The following ZNF804B variants were observed in gnomAD, a reference collection of about 807,000 sequenced individuals.
ZNF804B encodes zinc finger protein 804B.
Under a neutral mutation model 101.4 loss-of-function variants are expected in ZNF804B, and 80 were observed. The ratio of observed to expected loss-of-function variants is 0.79; its 90% CI spans 0.66 to 0.95. ZNF804B has a LOEUF of 0.95. ZNF804B is among the 40% of genes least tolerant of loss of function. ZNF804B has a pLI of 0.00. For synonymous variants in ZNF804B, 622 were observed against 558.8 expected (o/e 1.11, Z -1.59); for missense variants, 1,673 against 1,561.9 (o/e 1.07, Z -1.20).
At chr7:89,194,545 C>G (rs938966920) in intron 1 of ZNF804B, among the ~76,000 whole-genome samples, 6 of 149,792 alleles carry the variant, frequency 4.0e-5, no homozygotes, top group Admixed American at 6.7e-5. Context: ...AGCCAGTTTT[C>G]CCAGCATCAT....
Position 89,333,807 on chromosome 7 carries a change from T to C in ZNF804B, c.825T>C (p.Leu275=). The change falls in exon 4 of 4, where the codon CTT becomes CTC. Residue 275 remains leucine, a synonymous_variant. Coordinates refer to ENST00000333190, the MANE Select transcript of ZNF804B (RefSeq NM_181646.5). The part of the protein sequence containing the change: ...CCRFANKDTH[L]TKEKEVNISP... ...GGTTTGCAAATAAAGATACACACCTTACCAAGGAAAAAGAGGTAAATATCT... is the reference window on the plus strand; with the variant it reads ...GGTTTGCAAATAAAGATACACACCTCACCAAGGAAAAAGAGGTAAATATCT... 6.2e-7 allele frequency: 1 copy of C among 1,612,054 alleles called. No homozygotes were observed. Among genetic ancestry groups the C allele is most frequent in the South Asian group, 1.1e-5 (1 of 90,982 alleles).
chr7:89,089,501 G>C (rs567891877), intron 1 of ZNF804B, among the ~76,000 whole-genome samples: 2 of 152,030 alleles, frequency 1.3e-5, no homozygotes, highest in South Asian at 4.2e-4. Flanking sequence ...ATGGAAATGA[G>C]TGGTAATTTA....
intron 1 of ZNF804B, among the ~76,000 whole-genome samples, chr7:89,102,479 T>G (rs140800600): frequency 4.6e-5 from 7 of 152,066 alleles, no homozygotes; most frequent in African/African-American, 1.7e-4. Flanking sequence ...TCGCTTGTGT[T>G]TCTTCTTTTG....
At chr7:88,854,832 C>T (rs150243910) in intron 1 of ZNF804B, among the ~76,000 whole-genome samples, 3,945 of 144,494 alleles carry the variant, frequency 0.027, 190 homozygotes, top group African/African-American at 0.097. Flanking sequence ...TCAATTCCCA[C>T]CTATGAGTGA....
chr7:89,210,493 T>TC (rs1411534117), intron 1 of ZNF804B, among the ~76,000 whole-genome samples: 1 of 152,062 alleles, frequency 6.6e-6, no homozygotes, highest in Non-Finnish European at 1.5e-5. Context: ...TGCACTCCCA[T>TC]CCCCCACCCA....
chr7:89,232,151 T>C (rs1023072474), intron 2 of ZNF804B, among the ~76,000 whole-genome samples: 3 of 152,166 alleles, frequency 2.0e-5, no homozygotes, highest in African/African-American at 7.2e-5. Flanking sequence ...GGCTTCCGTT[T>C]AGCCAGATGC....
intron 2 of ZNF804B, among the ~76,000 whole-genome samples, chr7:89,280,506 C>T (rs143297240): frequency 0.037 from 5,584 of 151,942 alleles, 313 homozygotes; most frequent in African/African-American, 0.13. Flanking sequence ...ATTGATAGAC[C>T]GCTAGCAAGA....
chr7:89,192,311 A>AC (rs1319218604), intron 1 of ZNF804B, among the ~76,000 whole-genome samples: 1 of 151,456 alleles, frequency 6.6e-6, no homozygotes, highest in Admixed American at 6.6e-5. Context: ...TTTCCCTTCC[A>AC]CCCCTCCCTG....
At chr7:88,941,773 G>A (rs888854196) in intron 1 of ZNF804B, among the ~76,000 whole-genome samples, 1 of 151,936 alleles carries the variant, frequency 6.6e-6, no homozygotes, top group Admixed American at 6.6e-5. Flanking sequence ...AGAAGATAAT[G>A]TTGTGTGGAT....
intron 1 of ZNF804B, among the ~76,000 whole-genome samples, chr7:88,782,864 G>A (rs149638781): frequency 3.3e-5 from 5 of 152,094 alleles, no homozygotes; most frequent in African/African-American, 4.8e-5. Flanking sequence ...AAGAATCATC[G>A]CACAAATAAG....
At chr7:89,253,257 A>T (rs1789569786) in intron 2 of ZNF804B, among the ~76,000 whole-genome samples, 1 of 152,106 alleles carries the variant, frequency 6.6e-6, no homozygotes, top group South Asian at 2.1e-4. Flanking sequence ...ATTTAAGCAT[A>T]AAAAACTAAA....
At chr7:89,146,919 CTT>C (rs1790798976) in intron 1 of ZNF804B, among the ~76,000 whole-genome samples, 1 of 151,504 alleles carries the variant, frequency 6.6e-6, no homozygotes, top group African/African-American at 2.4e-5. Context: ...ATCCCAACTA[CTT>C]GGGAGGTCAA....
chr7:89,259,132 A>G (rs1789676179), intron 2 of ZNF804B, among the ~76,000 whole-genome samples: 3 of 152,186 alleles, frequency 2.0e-5, no homozygotes, highest in Admixed American at 2.0e-4. Flanking sequence ...GTCTAACGTC[A>G]GTTTTGTTTT....
At chr7:89,111,601 T>C (rs1019589767) in intron 1 of ZNF804B, among the ~76,000 whole-genome samples, 4 of 152,378 alleles carry the variant, frequency 2.6e-5, no homozygotes, top group Middle Eastern at 3.4e-3. Context: ...ATTGTTTGTA[T>C]GGCTTAGATA....
intron 1 of ZNF804B, among the ~76,000 whole-genome samples, chr7:89,037,922 C>T (rs1220359519): frequency 6.6e-6 from 1 of 152,090 alleles, no homozygotes; most frequent in African/African-American, 2.4e-5. Context: ...CTTACTATGC[C>T]TGGCTTATTT....
chr7:89,231,613 T>G (rs571697285), intron 2 of ZNF804B, among the ~76,000 whole-genome samples: 1 of 152,164 alleles, frequency 6.6e-6, no homozygotes, highest in African/African-American at 2.4e-5. Context: ...GCCTTTAATT[T>G]ATTGCAGAAA....
intron 1 of ZNF804B, among the ~76,000 whole-genome samples, chr7:88,874,456 C>T (rs1791891416): frequency 6.6e-6 from 1 of 152,084 alleles, no homozygotes; most frequent in Non-Finnish European, 1.5e-5. Context: ...ATTGAATACC[C>T]TTTGTTTTCT....
rs151078263 is a variant in ZNF804B at position 89,310,032 on chromosome 7, G to A, written c.250-17312G>A. Among the ~76,000 whole-genome samples, 122 of 151,320 alleles carry A rather than the reference G, an allele frequency of 8.1e-4. 1 individual carries two copies. The highest frequency in any genetic ancestry group is 2.6e-3 in the African/African-American group (106 of 41,200). ...GCAAGTGAAGTTCTTCTAACAAGTC[G>A]TGTGAGAGTGGAAGTCTACTCAGGT... On this transcript the variant is annotated intron_variant, in intron 2 of 3. Transcript: ENST00000333190.
chr7:88,861,946 A>G (rs550552940), intron 1 of ZNF804B, among the ~76,000 whole-genome samples: 1 of 152,278 alleles, frequency 6.6e-6, no homozygotes, highest in African/African-American at 2.4e-5. Context: ...AGAGAAGTGA[A>G]TGCTGTGTTG....
Sources: allele counts gnomAD v4.1 joint callset (sites outside exome capture counted in the v4.1 genomes callset), GRCh38; gene constraint gnomAD v4.1.1; transcripts MANE v1.5; gene names NCBI Gene and HGNC (gene_info 2026-07-23, HGNC 2026-07-21).